The following TENT4A variants were observed in gnomAD, a reference collection of about 807,000 sequenced individuals.
The protein encoded by TENT4A is terminal nucleotidyltransferase 4A.
Under a neutral mutation model 72.8 loss-of-function variants are expected in TENT4A, and 7 were observed. The observed-to-expected ratio is 0.10, with a 90% CI of 0.05 to 0.18. The LOEUF (loss-of-function observed/expected upper bound fraction) is 0.18. Among genes scored for constraint, TENT4A ranks in the 10% least tolerant of loss-of-function variants. The pLI is 1.00. For missense variants in TENT4A, 831 were observed against 1,017.7 expected (o/e 0.82, Z 2.50); for synonymous variants, 456 against 434.3 (o/e 1.05, Z -0.62).
chr5:6,753,013 C>T lies in TENT4A; in HGVS notation c.2160C>T (p.Leu720=), dbSNP rs768234236. The stretch of plus-strand genomic sequence containing the variant: ...TTCCCTCAGCGTCCCCCAACCCGCT[C>T]TCGAGCCCTCATCTGTATCATAAGG... ...PAIPSASPNP[L]SSPHLYHKQH... is the part of the protein sequence containing the mutation. The change falls in exon 12 of 13, where the codon CTC becomes CTT. Residue 720 remains leucine (L), a synonymous_variant. Coordinates refer to ENST00000230859, the MANE Select transcript of TENT4A (RefSeq NM_006999.6). 1.1e-5 allele frequency: 17 copies of T among 1,614,064 alleles called. No homozygotes were observed. Among genetic ancestry groups the T allele is most frequent in the Middle Eastern group, 1.6e-4 (1 of 6,084 alleles).
chr5:6,739,581 C>G (rs1741692835), intron 3 of TENT4A, 151 bp from the exon 4 acceptor site: 3 of 800,714 alleles, frequency 3.7e-6, no homozygotes, highest in Non-Finnish European at 5.9e-6. Flanking sequence ...ATGAACTGCA[C>G]TTCACCTCCT....
intron 1 of TENT4A, among the ~76,000 whole-genome samples, chr5:6,721,389 C>T (rs1259312943): frequency 6.6e-6 from 1 of 152,244 alleles, no homozygotes; most frequent in African/African-American, 2.4e-5. Context: ...TTCTGTTTTA[C>T]AATGTAGAAT....
chr5:6,717,480 G>A (rs1740445552), intron 1 of TENT4A, among the ~76,000 whole-genome samples: 1 of 152,220 alleles, frequency 6.6e-6, no homozygotes, highest in Non-Finnish European at 1.5e-5. Context: ...TTCTGCCCTT[G>A]GACACTTTGC....
chr5:6,740,286 G>A (rs1741730239), intron 4 of TENT4A, among the ~76,000 whole-genome samples: 1 of 152,076 alleles, frequency 6.6e-6, no homozygotes, highest in African/African-American at 2.4e-5. Context: ...TGTTCCTTTC[G>A]TGGTTCCAAA....
At chr5:6,728,219 A>G (rs757719336) in intron 1 of TENT4A, among the ~76,000 whole-genome samples, 1 of 152,108 alleles carries the variant, frequency 6.6e-6, no homozygotes, top group Admixed American at 6.5e-5. Context: ...CATCAGACTC[A>G]GTGAAGCATG....
At chr5:6,722,068 C>T (rs747319928) in intron 1 of TENT4A, among the ~76,000 whole-genome samples, 6 of 152,168 alleles carry the variant, frequency 3.9e-5, no homozygotes, top group South Asian at 2.1e-4. Context: ...TTCTCAGCTT[C>T]GGGAGCCACG....
chr5:6,738,265 T>C (rs1229695808), intron 2 of TENT4A, among the ~76,000 whole-genome samples: 1 of 152,112 alleles, frequency 6.6e-6, no homozygotes, highest in Non-Finnish European at 1.5e-5. Flanking sequence ...ATGTGTGCTC[T>C]TGGTGGGCAA....
At position 6,743,733 on chromosome 5, in the gene TENT4A, T is replaced by A. The variant is rs1309891970; in HGVS notation, c.1138T>A (p.Leu380Met). 1 of 1,610,846 alleles carries A rather than the reference T, an allele frequency of 6.2e-7. No individual in the cohort carries two copies. ...YMKKYSLLPY[L>M]ILVLKQFLLQ... Reference sequence around the variant, plus strand: ...ACAGAAATATTCATTGCTGCCTTACTTGATTTTAGTATTGAAACAGTTCCT... The same window carrying A: ...ACAGAAATATTCATTGCTGCCTTACATGATTTTAGTATTGAAACAGTTCCT... The change falls in exon 6 of 13, where the codon TTG (leucine) becomes ATG (methionine). Residue 380 changes from leucine to methionine, a missense_variant. Coordinates refer to ENST00000230859, the MANE Select transcript of TENT4A (RefSeq NM_006999.6).
At chr5:6,734,327 G>A (rs1024269427) in intron 1 of TENT4A, among the ~76,000 whole-genome samples, 5 of 152,238 alleles carry the variant, frequency 3.3e-5, no homozygotes, top group African/African-American at 1.2e-4. Context: ...CCCTCTGAGG[G>A]CCTCACAAAG....
At chr5:6,738,038 G>A (rs1431216037) in intron 2 of TENT4A, among the ~76,000 whole-genome samples, 1 of 150,350 alleles carries the variant, frequency 6.7e-6, no homozygotes, top group African/African-American at 2.4e-5. Flanking sequence ...AGCATATAAT[G>A]TGCTCATTTT....
intron 2 of TENT4A, 72 bp downstream of exon 2, chr5:6,737,705 G>T: frequency 6.7e-7 from 1 of 1,499,858 alleles, no homozygotes; most frequent in Non-Finnish European, 9.0e-7. Flanking sequence ...TGATGATGAT[G>T]TGTCGGCTAG....
chr5:6,744,084 G>A (rs913878289), intron 6 of TENT4A, among the ~76,000 whole-genome samples: 1 of 152,210 alleles, frequency 6.6e-6, no homozygotes, highest in Non-Finnish European at 1.5e-5. Flanking sequence ...TGAGTCCAGT[G>A]CACATCAGTC....
intron 5 of TENT4A, among the ~76,000 whole-genome samples, chr5:6,743,479 C>T (rs1406460577): frequency 1.3e-5 from 2 of 152,140 alleles, no homozygotes; most frequent in Non-Finnish European, 2.9e-5. Context: ...TAGGGGTGCA[C>T]CCCTGCTGAG....
intron 1 of TENT4A, among the ~76,000 whole-genome samples, chr5:6,736,371 A>G (rs1309631371): frequency 2.0e-5 from 3 of 152,184 alleles, no homozygotes; most frequent in Non-Finnish European, 4.4e-5. Flanking sequence ...GTCCTGTAAG[A>G]GGTGCTACTT....
intron 1 of TENT4A, among the ~76,000 whole-genome samples, chr5:6,726,547 A>T (rs866879292): frequency 6.6e-6 from 1 of 151,804 alleles, no homozygotes; most frequent in Admixed American, 6.6e-5. Flanking sequence ...ACTGTCCTCT[A>T]CCGCGTTTGC....
rs528701648 is a variant in TENT4A, at chr5:6,717,449, G to C, written c.716+2750G>C. On this transcript the variant is annotated intron_variant, in intron 1 of 12. Coordinates refer to ENST00000230859, the MANE Select transcript of TENT4A (RefSeq NM_006999.6). ...GCCCATGTGGCAACCCTCACTGTTT[G>C]TCCTTTTCTGGGGAGGAGTTTTCTG... 4.6e-5 allele frequency among the ~76,000 whole-genome samples: 7 copies of C among 152,342 alleles called. No homozygotes were observed. In the South Asian group the frequency reaches 1.4e-3, roughly 32 times the overall value.
At chr5:6,730,255 C>T (rs1741142726) in intron 1 of TENT4A, among the ~76,000 whole-genome samples, 1 of 152,146 alleles carries the variant, frequency 6.6e-6, no homozygotes, top group Non-Finnish European at 1.5e-5. Context: ...GGGACATCAC[C>T]TGCTCCAGGA....
At chr5:6,737,694 G>GTGA in intron 2 of TENT4A, 61 bp downstream of exon 2, 2 of 1,549,910 alleles carry the variant, frequency 1.3e-6, no homozygotes, top group Non-Finnish European at 1.8e-6. Flanking sequence ...TAAATACCCT[G>GTGA]TGATGATGAT....
At chr5:6,715,774 C>T (rs752367479) in intron 1 of TENT4A, among the ~76,000 whole-genome samples, 8 of 152,160 alleles carry the variant, frequency 5.3e-5, no homozygotes, top group Non-Finnish European at 1.0e-4. Flanking sequence ...GTGTGATACA[C>T]TGTAATAGCT....
Sources: allele counts gnomAD v4.1 joint callset (sites outside exome capture counted in the v4.1 genomes callset), GRCh38; gene constraint gnomAD v4.1.1; transcripts MANE v1.5; gene names NCBI Gene and HGNC (gene_info 2026-07-23, HGNC 2026-07-21).